The following WASHC2C variants were observed in gnomAD, a reference collection of about 807,000 sequenced individuals.
The protein encoded by WASHC2C is Vaccinia Penetration Factor.
In WASHC2C, 73 loss-of-function variants were observed where a neutral mutation model predicts 142.2. That is an observed-to-expected ratio of 0.51 (90% CI 0.43 to 0.62). The LOEUF (loss-of-function observed/expected upper bound fraction) is 0.62. WASHC2C is among the 20% of genes least tolerant of loss of function. The probability of loss-of-function intolerance (pLI) is 0.00; values close to 1 mark genes in which losing one functional copy is unlikely to be tolerated. For missense variants in WASHC2C, 969 were observed against 1,531.7 expected (o/e 0.63, Z 6.13); for synonymous variants, 337 against 565.5 (o/e 0.60, Z 5.73).
chr10:45,762,345 T>TG (rs1409465988), intron 17 of WASHC2C, among the ~76,000 whole-genome samples: 1 of 152,100 alleles, frequency 6.6e-6, no homozygotes, highest in African/African-American at 2.4e-5. Context: ...CCTGAGTAGC[T>TG]GAGATAACAG....
chr10:45,789,568 T>G, intron 29 of WASHC2C, 77 bp downstream of exon 29: 6 of 1,594,302 alleles, frequency 3.8e-6, no homozygotes, highest in East Asian at 2.2e-5. Context: ...AGCCATAGAT[T>G]ATGTCTAGCT....
At chr10:45,780,872 G>C (rs1317966814) in intron 23 of WASHC2C, among the ~76,000 whole-genome samples, 1 of 151,332 alleles carries the variant, frequency 6.6e-6, no homozygotes, top group Non-Finnish European at 1.5e-5. Context: ...TCCTGCCTCA[G>C]CCTCCTGAGT....
At chr10:45,732,701 T>G (rs1554862864) in intron 3 of WASHC2C, among the ~76,000 whole-genome samples, 1 of 152,180 alleles carries the variant, frequency 6.6e-6, no homozygotes, top group Non-Finnish European at 1.5e-5. Context: ...AGGATATACA[T>G]AATTCTGACA....
At chr10:45,771,376 A>G in intron 20 of WASHC2C, 3 of 983,404 alleles carry the variant, frequency 3.1e-6, no homozygotes, top group Non-Finnish European at 3.6e-6. Context: ...AAAAAAAAAA[A>G]AAAAAAAAAG....
intron 25 of WASHC2C, among the ~76,000 whole-genome samples, chr10:45,785,154 G>A (rs1486262971): frequency 1.3e-5 from 2 of 152,200 alleles, no homozygotes; most frequent in Non-Finnish European, 2.9e-5. Flanking sequence ...CTACACATCT[G>A]TGTGATGTTT....
intron 23 of WASHC2C, among the ~76,000 whole-genome samples, chr10:45,784,267 T>TAC (rs1379735362): frequency 3.5e-4 from 2 of 5,654 alleles, no homozygotes; most frequent in Non-Finnish European, 1.1e-3. Flanking sequence ...TATATATATA[T>TAC]ATATATATAT....
intron 3 of WASHC2C, among the ~76,000 whole-genome samples, chr10:45,736,548 C>G (rs2051301856): frequency 6.6e-6 from 1 of 151,488 alleles, no homozygotes; most frequent in African/African-American, 2.4e-5. Flanking sequence ...TGCAGTGAGC[C>G]AAGATCCTGC....
At chr10:45,782,531 A>C (rs2135627830) in intron 23 of WASHC2C, among the ~76,000 whole-genome samples, 1 of 150,770 alleles carries the variant, frequency 6.6e-6, no homozygotes, top group East Asian at 2.0e-4. Context: ...GAACAGTACA[A>C]CCACTTTGGA....
intron 13 of WASHC2C, among the ~76,000 whole-genome samples, chr10:45,753,810 C>A (rs2053895269): frequency 1.3e-5 from 2 of 149,286 alleles, no homozygotes; most frequent in Non-Finnish European, 3.0e-5. Flanking sequence ...TTTTAAAAAA[C>A]ACAAATATAA....
intron 5 of WASHC2C, among the ~76,000 whole-genome samples, chr10:45,740,887 G>A (rs1440822154): frequency 1.0e-5 from 1 of 96,898 alleles, no homozygotes; most frequent in Non-Finnish European, 2.2e-5. Flanking sequence ...TTACCACAGT[G>A]ATTTATAGAA....
At chr10:45,768,234 GAAAAAAAA>G (rs1169870861) in intron 19 of WASHC2C, among the ~76,000 whole-genome samples, 2 of 76,488 alleles carry the variant, frequency 2.6e-5, no homozygotes, top group African/African-American at 1.0e-4. Flanking sequence ...CTCGAAAAAG[GAAAAAAAA>G]AAAAAAAAAA....
At chr10:45,761,041 A>C (rs1362925608) in intron 17 of WASHC2C, among the ~76,000 whole-genome samples, 7 of 152,172 alleles carry the variant, frequency 4.6e-5, no homozygotes, top group East Asian at 3.9e-4. Context: ...CAAGTAACTC[A>C]AAAACCTAGT....
rs782025048 is a variant in WASHC2C, at chr10:45,752,676, CA to C, written c.1094del (p.Lys365ArgfsTer49). The C allele has an allele frequency of 3.7e-6, 6 of 1,609,554 alleles. No homozygotes were observed. The Admixed American group carries it at 6.7e-5, about 18-fold the overall frequency. On this transcript the variant is annotated frameshift_variant, in exon 12 of 31. Transcript: ENST00000623400. LOFTEE classifies it high-confidence loss of function. ...GSGGGLFSGG[K>X]GLFDDEDEES... Reference sequence around the variant, plus strand: ...CTGGAGGTGGCCTGTTCAGTGGCGGCAAGGGGCTATTTGATGATGAGGACGA... The same window carrying C: ...CTGGAGGTGGCCTGTTCAGTGGCGGCAGGGGCTATTTGATGATGAGGACGA...
At chr10:45,762,223 C>G (rs1256268504) in intron 17 of WASHC2C, among the ~76,000 whole-genome samples, 3 of 151,726 alleles carry the variant, frequency 2.0e-5, no homozygotes, top group Non-Finnish European at 2.9e-5. Flanking sequence ...TATTTTTTAG[C>G]TATTTTGAGA....
At chr10:45,783,610 G>A (rs868925909) in intron 23 of WASHC2C, among the ~76,000 whole-genome samples, 2 of 152,168 alleles carry the variant, frequency 1.3e-5, no homozygotes, top group African/African-American at 4.8e-5. Context: ...ACAGGCACAC[G>A]CCACCACACC....
intron 3 of WASHC2C, among the ~76,000 whole-genome samples, chr10:45,729,244 A>G (rs1241743034): frequency 6.6e-6 from 1 of 152,166 alleles, no homozygotes; most frequent in Admixed American, 6.5e-5. Flanking sequence ...ATTTTCTTAT[A>G]CTTCAGTGCT....
intron 20 of WASHC2C, chr10:45,771,649 C>T (rs2056600766): frequency 1.1e-6 from 1 of 907,764 alleles, no homozygotes; most frequent in Admixed American, 6.3e-5. Flanking sequence ...CCAGATACAT[C>T]CTACCTCCTA....
chr10:45,786,977 A>T, intron 27 of WASHC2C, 58 bp from the exon 28 acceptor site: 1 of 1,611,230 alleles, frequency 6.2e-7, no homozygotes, highest in Middle Eastern at 2.3e-4. Flanking sequence ...GTGTCACAAT[A>T]AAGATAATAG....
chr10:45,767,680 GGAA>G (rs1442918981), intron 19 of WASHC2C, among the ~76,000 whole-genome samples: 110 of 144,866 alleles, frequency 7.6e-4, no homozygotes, highest in African/African-American at 2.5e-3. Context: ...GGCCCACACT[GGAA>G]GAAGAAGAAT....
Sources: allele counts gnomAD v4.1 joint callset (sites outside exome capture counted in the v4.1 genomes callset), GRCh38; gene constraint gnomAD v4.1.1; transcripts MANE v1.5; gene names NCBI Gene and HGNC (gene_info 2026-07-23, HGNC 2026-07-21).